The following CLSTN2 variants were observed in gnomAD, a reference collection of about 807,000 sequenced individuals.
CLSTN2 encodes the protein calsyntenin 2, also known as calsyntenin-2.
In CLSTN2, 48 loss-of-function variants were observed where a neutral mutation model predicts 101.2. The observed-to-expected ratio is 0.47, with a 90% confidence interval of 0.38 to 0.60. CLSTN2 has a LOEUF of 0.60. Among genes scored for constraint, CLSTN2 ranks in the 20% least tolerant of loss-of-function variants. The pLI, the probability that CLSTN2 is intolerant of heterozygous loss-of-function variation, is 0.00. For synonymous variants in CLSTN2, 481 were observed against 463.6 expected, an observed-to-expected ratio of 1.04 and a Z score of -0.48; for missense variants, 1,160 against 1,238.2, an observed-to-expected ratio of 0.94 and a Z score of 0.95.
At chr3:140,405,787 T>A (rs11706731) in intron 4 of CLSTN2, among the ~76,000 whole-genome samples, 61,230 of 151,856 alleles carry the variant, frequency 0.4, 14,699 homozygotes, top group South Asian at 0.61. Context: ...TAAAATCAAG[T>A]GTAATTATTT....
At chr3:140,327,169 G>T (rs755050862) in intron 2 of CLSTN2, among the ~76,000 whole-genome samples, 1 of 152,164 alleles carries the variant, frequency 6.6e-6, no homozygotes, top group Non-Finnish European at 1.5e-5. Flanking sequence ...TGCGCTGAAT[G>T]AGCCAGGGTT....
chr3:140,447,375 T>C (rs1476222309), intron 5 of CLSTN2, among the ~76,000 whole-genome samples: 1 of 152,176 alleles, frequency 6.6e-6, no homozygotes, highest in African/African-American at 2.4e-5. Context: ...ATGCCCGCTG[T>C]GGGAGGCAAA....
At chr3:140,537,853 G>A (rs1170072735) in intron 9 of CLSTN2, among the ~76,000 whole-genome samples, 2 of 152,030 alleles carry the variant, frequency 1.3e-5, no homozygotes, top group African/African-American at 2.4e-5. Context: ...TGATCACCTG[G>A]GTACTATAAC....
In CLSTN2 at chr3:140,226,069, C is replaced by T. The variant is rs115568645; in HGVS notation, c.232+49996C>T. On this transcript the variant is annotated intron_variant, in intron 2 of 16. Coordinates refer to ENST00000458420, the MANE Select transcript of CLSTN2 (RefSeq NM_022131.3). ...GGGAATTAACTGTTGATATATACAACCACCTGGGTGAATCCCTAGAGAATT... is the reference window on the plus strand; with the variant it reads ...GGGAATTAACTGTTGATATATACAATCACCTGGGTGAATCCCTAGAGAATT... Among the ~76,000 whole-genome samples, 1,402 of 152,284 alleles carry T rather than the reference C, an allele frequency of 9.2e-3. 28 individuals are homozygous for T. Among genetic ancestry groups the T allele is most frequent in the African/African-American group, 0.032 (1,334 of 41,556 alleles).
At chr3:140,185,931 C>G (rs1254887671) in intron 2 of CLSTN2, among the ~76,000 whole-genome samples, 3 of 152,278 alleles carry the variant, frequency 2.0e-5, no homozygotes, top group South Asian at 4.1e-4. Flanking sequence ...TTTGTTGTTG[C>G]ACTTTTATCC....
intron 2 of CLSTN2, among the ~76,000 whole-genome samples, chr3:140,330,843 C>T (rs1275416531): frequency 1.3e-5 from 2 of 152,206 alleles, no homozygotes; most frequent in Non-Finnish European, 2.9e-5. Flanking sequence ...GTAAGTTGGG[C>T]ATTGTTCGTA....
intron 2 of CLSTN2, among the ~76,000 whole-genome samples, chr3:140,310,403 C>T (rs1332929927): frequency 2.0e-5 from 3 of 152,164 alleles, no homozygotes; most frequent in Non-Finnish European, 4.4e-5. Flanking sequence ...CAAGCTCTCC[C>T]AGGCCTCGGT....
At chr3:140,091,774 A>G (rs543806619) in intron 1 of CLSTN2, among the ~76,000 whole-genome samples, 1 of 152,264 alleles carries the variant, frequency 6.6e-6, no homozygotes, top group South Asian at 2.1e-4. Context: ...GATGTACTTA[A>G]AAGTTATATT....
rs939444074 is a variant in CLSTN2, at chr3:140,171,454, C to T, written c.110-4497C>T. On this transcript the variant is annotated intron_variant, in intron 1 of 16. Transcript: ENST00000458420. ...GTGGCCTTGGTTGAGTCTGCCACTGCTCCTGGAACAGCTCTGAACTGACCT... is the reference window on the plus strand; with the variant it reads ...GTGGCCTTGGTTGAGTCTGCCACTGTTCCTGGAACAGCTCTGAACTGACCT... 5.3e-5 allele frequency among the ~76,000 whole-genome samples: 8 copies of T among 151,428 alleles called. No individual in the cohort carries two copies. The East Asian group carries it at 9.7e-4, about 18-fold the overall frequency.
At chr3:140,535,049 A>G (rs1371880671) in intron 9 of CLSTN2, among the ~76,000 whole-genome samples, 1 of 152,238 alleles carries the variant, frequency 6.6e-6, no homozygotes, top group East Asian at 1.9e-4. Flanking sequence ...CTTGATGTGG[A>G]GACCTATATA....
chr3:140,117,620 G>T (rs1277773546), intron 1 of CLSTN2, among the ~76,000 whole-genome samples: 8 of 152,174 alleles, frequency 5.3e-5, no homozygotes, highest in African/African-American at 1.7e-4. Context: ...AATACTTACT[G>T]TTGTCTGCCC....
Position 139,953,931 on chromosome 3 carries a change from T to TGTGTG in CLSTN2, c.109+18448_109+18449insGTGTG, listed in dbSNP as rs1576374977. ...AGAGAAGGGCTCTGTGTGTGTGTGTTTGTGTGTGTGTGTGTGTGTGTGTTT... is the reference window on the plus strand; with the variant it reads ...AGAGAAGGGCTCTGTGTGTGTGTGTTGTGTGTGTGTGTGTGTGTGTGTGTGTGTTT... On this transcript the variant is annotated intron_variant, in intron 1 of 16. Transcript: ENST00000458420. Among the ~76,000 whole-genome samples the TGTGTG allele has an allele frequency of 2.5e-3, 368 of 147,488 alleles. 1 individual carries two copies. Among genetic ancestry groups the TGTGTG allele is most frequent in the African/African-American group, 8.8e-3 (350 of 39,608 alleles).
intron 1 of CLSTN2, among the ~76,000 whole-genome samples, chr3:140,084,275 A>T (rs1354987285): frequency 6.6e-6 from 1 of 152,186 alleles, no homozygotes. Context: ...TACAGATATG[A>T]GGCCAGGATT....
chr3:140,325,179 T>C (rs2087320030), intron 2 of CLSTN2, among the ~76,000 whole-genome samples: 1 of 152,206 alleles, frequency 6.6e-6, no homozygotes, highest in Admixed American at 6.5e-5. Flanking sequence ...ATTACAGGCA[T>C]GAGCCACTGC....
intron 1 of CLSTN2, among the ~76,000 whole-genome samples, chr3:140,068,463 T>G (rs75236842): frequency 0.021 from 3,225 of 152,324 alleles, 132 homozygotes; most frequent in African/African-American, 0.073. Context: ...CCTTCTTCTT[T>G]CCATGCAAAT....
In CLSTN2 at chr3:140,576,651, G is replaced by C. The variant is rs1221987365; in HGVS notation, c.*10398G>C. On this transcript the variant is annotated 3_prime_UTR_variant, in exon 17 of 17. Transcript: ENST00000458420. ...GGTGTTGACACAGCAGAGAGAGGAG[G>C]GGGAGCAGCCTCGTCTTGCAGAATC... 2.0e-5 allele frequency: 3 copies of C among 152,148 alleles called. No homozygotes were observed. Among genetic ancestry groups the C allele is most frequent in the Non-Finnish European group, 4.4e-5 (3 of 68,046 alleles). The allele number at this position is 152,148 out of a possible 1,614,324, so 9.4% of individuals were successfully genotyped here.
At chr3:140,550,749 T>TA (rs1347031281) in intron 10 of CLSTN2, among the ~76,000 whole-genome samples, 1 of 151,462 alleles carries the variant, frequency 6.6e-6, no homozygotes, top group African/African-American at 2.4e-5. Flanking sequence ...GAGGAGGTGC[T>TA]AAAATAAGTG....
intron 6 of CLSTN2, chr3:140,453,152 G>T (rs1451538566): frequency 6.6e-6 from 1 of 152,160 alleles, no homozygotes; most frequent in Non-Finnish European, 1.5e-5. Flanking sequence ...TGCCCTTGGT[G>T]GTGCGAGGCC....
chr3:139,991,661 G>A (rs952470006), intron 1 of CLSTN2, among the ~76,000 whole-genome samples: 2 of 152,202 alleles, frequency 1.3e-5, no homozygotes, highest in Non-Finnish European at 1.5e-5. Context: ...TAGATCCCTC[G>A]GGATATGGTG....
Sources: gnomAD v4.1 joint callset for allele counts (sites outside exome capture counted in the v4.1 genomes callset) on GRCh38, gnomAD v4.1.1 for gene constraint, MANE v1.5 for transcripts, NCBI Gene and HGNC (gene_info 2026-07-23, HGNC 2026-07-21) for gene names.